MACROD1: variants seen among roughly 807,000 people sequenced by gnomAD.
The protein encoded by MACROD1 is ADP-ribose glycohydrolase MACROD1.
In MACROD1, 31 loss-of-function variants were observed where a neutral mutation model predicts 41.4. That is an observed-to-expected ratio of 0.75 (90% CI 0.56 to 1.01). The LOEUF is 1.01. MACROD1 is among the 50% of genes least tolerant of loss of function. MACROD1 has a pLI of 0.00. For synonymous variants in MACROD1, 252 were observed against 203.4 expected (o/e 1.24, Z -2.03); for missense variants, 473 against 460.0 (o/e 1.03, Z -0.26).
chr11:64,120,111 C>T lies in MACROD1; in HGVS notation c.517+31128G>A, dbSNP rs1945072631. On this transcript the variant is annotated intron_variant, in intron 3 of 10. Transcript: ENST00000255681. The surrounding 1 kb of genome is among the most constrained non-coding windows in gnomAD (Gnocchi z 4.5). ...AGAAGCAGCAGCGGGGCAGGGGTTACGTTAAAAGGCCCGACCGCCACCTTC... is the reference window on the plus strand; with the variant it reads ...AGAAGCAGCAGCGGGGCAGGGGTTATGTTAAAAGGCCCGACCGCCACCTTC... Among the ~76,000 whole-genome samples, 1 of 152,118 alleles carries T rather than the reference C, an allele frequency of 6.6e-6. No homozygotes were observed. Among genetic ancestry groups the T allele is most frequent in the Admixed American group, 6.5e-5 (1 of 15,278 alleles).
intron 3 of MACROD1, among the ~76,000 whole-genome samples, chr11:64,061,789 T>C (rs1440477237): frequency 6.6e-6 from 1 of 151,546 alleles, no homozygotes; most frequent in East Asian, 1.9e-4. Context: ...AGCCTCAACT[T>C]CCTGGGCTCA....
chr11:64,051,796 C>T (rs1258580879), intron 3 of MACROD1, among the ~76,000 whole-genome samples: 3 of 152,098 alleles, frequency 2.0e-5, no homozygotes, highest in Admixed American at 2.0e-4. Context: ...TTGCCCATGG[C>T]TTCATTGCCT....
intron 3 of MACROD1, among the ~76,000 whole-genome samples, chr11:64,097,154 G>C (rs1944591207): frequency 6.6e-6 from 1 of 152,224 alleles, no homozygotes; most frequent in South Asian, 2.1e-4. Flanking sequence ...TTCAGCTAGG[G>C]AACCCTCCCC....
At chr11:64,079,755 G>C (rs1944272152) in intron 3 of MACROD1, among the ~76,000 whole-genome samples, 2 of 152,128 alleles carry the variant, frequency 1.3e-5, no homozygotes, top group Non-Finnish European at 2.9e-5. Flanking sequence ...GAAATGTGGA[G>C]TGGAGGTAAG....
intron 4 of MACROD1, among the ~76,000 whole-genome samples, chr11:64,004,172 A>G (rs971091827): frequency 6.6e-6 from 1 of 152,114 alleles, no homozygotes; most frequent in Non-Finnish European, 1.5e-5. Context: ...GCCAGCATTC[A>G]GCCCAGCATC....
At chr11:64,154,031 A>G (rs1354549237) in intron 1 of MACROD1, among the ~76,000 whole-genome samples, 2 of 151,986 alleles carry the variant, frequency 1.3e-5, no homozygotes, top group African/African-American at 4.8e-5. Context: ...CCTTCCAACA[A>G]GGTCAAGGTC....
chr11:64,124,243 G>A (rs1052316689), intron 3 of MACROD1, among the ~76,000 whole-genome samples: 1 of 152,154 alleles, frequency 6.6e-6, no homozygotes, highest in Non-Finnish European at 1.5e-5. Context: ...GGCTGACAGA[G>A]AGCGCCTCCC....
At chr11:64,038,743 G>A (rs1261601293) in intron 3 of MACROD1, among the ~76,000 whole-genome samples, 2 of 152,162 alleles carry the variant, frequency 1.3e-5, no homozygotes, top group African/African-American at 2.4e-5. Flanking sequence ...TCTAGAGTCT[G>A]GAAATGATAT....
At chr11:64,131,353 T>A (rs546719916) in intron 3 of MACROD1, among the ~76,000 whole-genome samples, 138 of 147,098 alleles carry the variant, frequency 9.4e-4, no homozygotes, top group African/African-American at 3.3e-3. Flanking sequence ...TTCTTTTTTT[T>A]GATGGAGTCT....
chr11:64,053,212 G>C (rs1181122403), intron 3 of MACROD1, among the ~76,000 whole-genome samples: 2 of 152,172 alleles, frequency 1.3e-5, no homozygotes, highest in South Asian at 2.1e-4. Context: ...GGAGCAGGGT[G>C]GGGTGAGGCT....
intron 3 of MACROD1, among the ~76,000 whole-genome samples, chr11:64,095,981 C>CA (rs911227398): frequency 2.8e-3 from 95 of 34,384 alleles, no homozygotes; most frequent in African/African-American, 4.4e-3. Context: ...TCCCCCCACC[C>CA]CCCAGGGGCC....
At chr11:64,161,263 A>G (rs1322925441) in intron 1 of MACROD1, among the ~76,000 whole-genome samples, 4 of 152,206 alleles carry the variant, frequency 2.6e-5, no homozygotes, top group African/African-American at 9.7e-5. Flanking sequence ...AAAAAGAGGG[A>G]ACCATTGCCA....
chr11:64,021,771 C>T (rs947753595), intron 3 of MACROD1, among the ~76,000 whole-genome samples: 1 of 151,996 alleles, frequency 6.6e-6, no homozygotes, highest in Non-Finnish European at 1.5e-5. Context: ...GCAGCCAGCC[C>T]CACCGTGTGC....
intron 3 of MACROD1, among the ~76,000 whole-genome samples, chr11:64,058,036 A>G (rs1943823115): frequency 1.3e-5 from 2 of 152,222 alleles, no homozygotes; most frequent in South Asian, 4.1e-4. Context: ...GCCACTGAGT[A>G]ATGCGCAATG....
At chr11:64,030,566 A>G (rs552298094) in intron 3 of MACROD1, among the ~76,000 whole-genome samples, 1 of 152,284 alleles carries the variant, frequency 6.6e-6, no homozygotes, top group African/African-American at 2.4e-5. Flanking sequence ...TCACGATACT[A>G]TTGTACGTAC....
chr11:64,037,106 A>G (rs1183177786), intron 3 of MACROD1, among the ~76,000 whole-genome samples: 2 of 152,072 alleles, frequency 1.3e-5, no homozygotes, highest in South Asian at 2.1e-4. Context: ...CCCAAGCCAG[A>G]GCTCTGATGT....
rs993036909 is a variant in MACROD1, at chr11:64,090,236, G to T, written c.517+61003C>A. The stretch of plus-strand genomic sequence containing the variant: ...CAGGGTGTGGGAAAGGCCAACGGGC[G>T]TGTGGGTCTCCAGCCTTTGCTCATC... On this transcript the variant is annotated intron_variant, in intron 3 of 10. Coordinates refer to ENST00000255681, the MANE Select transcript of MACROD1 (RefSeq NM_014067.4). The surrounding 1 kb of genome is among the most constrained non-coding windows in gnomAD (Gnocchi z 4.7). Among the ~76,000 whole-genome samples, 1 of 152,192 alleles carries T rather than the reference G, an allele frequency of 6.6e-6. No homozygotes were observed. Among genetic ancestry groups the T allele is most frequent in the Admixed American group, 6.5e-5 (1 of 15,286 alleles).
intron 3 of MACROD1, among the ~76,000 whole-genome samples, chr11:64,142,572 C>G (rs1945428799): frequency 6.6e-6 from 1 of 152,198 alleles, no homozygotes; most frequent in South Asian, 2.1e-4. Flanking sequence ...GGACCAGACC[C>G]TGCGAGCCCA....
At chr11:64,118,051 G>A (rs749527475) in intron 3 of MACROD1, 4 of 1,613,456 alleles carry the variant, frequency 2.5e-6, no homozygotes, top group African/African-American at 1.3e-5. Context: ...CGGGGCAGCA[G>A]GAAAAAGGAT....
Sources: allele counts gnomAD v4.1 joint callset (sites outside exome capture counted in the v4.1 genomes callset), GRCh38; gene constraint gnomAD v4.1.1; non-coding constraint Gnocchi (gnomAD v3.1); transcripts MANE v1.5; gene names NCBI Gene and HGNC (gene_info 2026-07-23, HGNC 2026-07-21).